Variants in FRMD5 observed in about 807,000 individuals in gnomAD.
The protein encoded by FRMD5 is FERM domain containing 5.
Under a neutral mutation model 69.0 loss-of-function variants are expected in FRMD5, and 20 were observed. The observed-to-expected ratio is 0.29, with a 90% CI of 0.20 to 0.42. The LOEUF (loss-of-function observed/expected upper bound fraction) is 0.42, where lower values mean the gene tolerates loss of function less well. FRMD5 is among the 10% of genes least tolerant of loss of function. The pLI, the probability that FRMD5 is intolerant of heterozygous loss-of-function variation, is 1.00. For missense variants in FRMD5, 595 were observed against 708.6 expected (o/e 0.84, Z 1.82); for synonymous variants, 271 against 260.1 (o/e 1.04, Z -0.40).
At chr15:44,019,737 CAAAAAAA>C (rs1189890743) in intron 1 of FRMD5, among the ~76,000 whole-genome samples, 144 of 23,512 alleles carry the variant, frequency 6.1e-3, no homozygotes, top group Non-Finnish European at 6.3e-3. Context: ...GAGTCTGTCT[CAAAAAAA>C]AAAAAAAAAA....
Position 43,989,455 on chromosome 15 carries a change from C to T in FRMD5, c.103-65146G>A, listed in dbSNP as rs535008472. On this transcript the variant is annotated intron_variant, in intron 1 of 13. Coordinates refer to ENST00000417257, the MANE Select transcript of FRMD5 (RefSeq NM_032892.5). ...TTGCCGATGATGATGACCTGGCCGT[C>T]GGGCAGCTTGTAGCTATCTCCAGGG... 5.6e-5 allele frequency: 45 copies of T among 802,584 alleles called. 1 individual carries two copies. Among genetic ancestry groups the T allele is most frequent in the South Asian group, 4.1e-4 (31 of 75,144 alleles). 49.7% of individuals were successfully genotyped at this position (802,584 alleles called of 1,614,324 possible).
At chr15:44,191,369 C>T (rs1260510335) in intron 1 of FRMD5, among the ~76,000 whole-genome samples, 2 of 151,856 alleles carry the variant, frequency 1.3e-5, no homozygotes, top group East Asian at 3.9e-4. Context: ...GGGTGGATCA[C>T]GAGGTCAAGA....
intron 1 of FRMD5, among the ~76,000 whole-genome samples, chr15:44,048,089 G>A (rs150099105): frequency 2.0e-5 from 3 of 152,100 alleles, no homozygotes; most frequent in African/African-American, 4.8e-5. Flanking sequence ...GTATTGCTGG[G>A]TCACATGGTA....
At chr15:43,947,427 C>A (rs2089964456) in intron 1 of FRMD5, among the ~76,000 whole-genome samples, 1 of 152,194 alleles carries the variant, frequency 6.6e-6, no homozygotes. Context: ...ACAGTTAAAA[C>A]TATCTTCCTA....
At chr15:44,189,559 G>A (rs966091741) in intron 1 of FRMD5, among the ~76,000 whole-genome samples, 3 of 151,548 alleles carry the variant, frequency 2.0e-5, no homozygotes, top group African/African-American at 7.3e-5. Flanking sequence ...TGCTATCTCG[G>A]CTCACTGCAA....
chr15:44,060,070 G>C (rs571942156), intron 1 of FRMD5, among the ~76,000 whole-genome samples: 3 of 152,332 alleles, frequency 2.0e-5, no homozygotes, highest in East Asian at 3.9e-4. Context: ...TAAGTGGAGA[G>C]AGCTGTCAGA....
chr15:43,905,744 G>A (rs556959945), intron 6 of FRMD5, 84 bp downstream of exon 6: 18 of 1,546,236 alleles, frequency 1.2e-5, no homozygotes, highest in Admixed American at 8.6e-5. Context: ...AACAGTCTGC[G>A]AGAACAGAGG....
chr15:43,876,185 C>G, intron 13 of FRMD5: 3 of 1,599,986 alleles, frequency 1.9e-6, no homozygotes, highest in Non-Finnish European at 2.6e-6. Context: ...CACTGTCACT[C>G]CCAGAGGCTG....
intron 1 of FRMD5, among the ~76,000 whole-genome samples, chr15:43,961,653 C>T (rs1054007199): frequency 5.3e-5 from 8 of 152,196 alleles, no homozygotes; most frequent in Admixed American, 2.6e-4. Context: ...CAAAAATCCT[C>T]AGTAAAATAC....
At chr15:43,991,115 G>A (rs1056058902) in intron 1 of FRMD5, among the ~76,000 whole-genome samples, 1 of 152,220 alleles carries the variant, frequency 6.6e-6, no homozygotes, top group Non-Finnish European at 1.5e-5. Context: ...AAGATGGACT[G>A]TATGACCTGT....
chr15:44,193,538 T>G lies in FRMD5; in HGVS notation c.102+1415A>C, dbSNP rs192111676. Among the ~76,000 whole-genome samples, 4 of 152,360 alleles carry G rather than the reference T, an allele frequency of 2.6e-5. No homozygotes were observed. The East Asian group carries it at 7.7e-4, about 29-fold the overall frequency. On this transcript the variant is annotated intron_variant, in intron 1 of 13. Transcript: ENST00000417257. Reference sequence around the variant, plus strand: ...AATACAGAGCATCTCTCTATCATATTCAACTACAAAAATCCTTTCACTTGA... The same window carrying G: ...AATACAGAGCATCTCTCTATCATATGCAACTACAAAAATCCTTTCACTTGA...
At chr15:44,017,674 C>T (rs1286996927) in intron 1 of FRMD5, among the ~76,000 whole-genome samples, 11 of 148,772 alleles carry the variant, frequency 7.4e-5, no homozygotes, top group South Asian at 2.1e-4. Flanking sequence ...GGTGCGATCT[C>T]GGCTCACTGC....
upstream of FRMD5, among the ~76,000 whole-genome samples, chr15:44,199,188 A>G (rs140427966): frequency 4.5e-3 from 680 of 152,252 alleles, 9 homozygotes; most frequent in Non-Finnish European, 3.7e-3. Context: ...CCTTCCCATC[A>G]AAGTTTCCCC....
At chr15:44,142,117 C>T (rs941898476) in intron 1 of FRMD5, among the ~76,000 whole-genome samples, 4 of 152,068 alleles carry the variant, frequency 2.6e-5, no homozygotes, top group Admixed American at 2.6e-4. Context: ...ATCCAAATAA[C>T]TGATTTAAAA....
At chr15:44,096,473 G>A (rs1044271035) in intron 1 of FRMD5, among the ~76,000 whole-genome samples, 1 of 149,988 alleles carries the variant, frequency 6.7e-6, no homozygotes, top group Non-Finnish European at 1.5e-5. Context: ...TGTGATCTTG[G>A]TTCACTGCAA....
intron 7 of FRMD5, among the ~76,000 whole-genome samples, chr15:43,899,004 G>C (rs972610143): frequency 6.6e-6 from 1 of 152,196 alleles, no homozygotes; most frequent in Non-Finnish European, 1.5e-5. Context: ...GCCTAAGCTA[G>C]AGCGTTGTTC....
chr15:43,879,359 T>C, intron 13 of FRMD5: 1 of 396,676 alleles, frequency 2.5e-6, no homozygotes, highest in Non-Finnish European at 4.4e-6. Context: ...TAGTCCTATA[T>C]TAGAAACTGT....
intron 1 of FRMD5, among the ~76,000 whole-genome samples, chr15:43,992,505 G>A (rs906058844): frequency 5.9e-5 from 9 of 152,088 alleles, no homozygotes; most frequent in African/African-American, 1.9e-4. Flanking sequence ...AGCCTCCTGA[G>A]TAGCTGGGAC....
chr15:43,937,383 C>T (rs929199907), intron 1 of FRMD5, among the ~76,000 whole-genome samples: 1 of 152,166 alleles, frequency 6.6e-6, no homozygotes, highest in Non-Finnish European at 1.5e-5. Context: ...CGTGGAGGCT[C>T]ATGCCTGTAA....
Sources: allele counts gnomAD v4.1 joint callset (sites outside exome capture counted in the v4.1 genomes callset), GRCh38; gene constraint gnomAD v4.1.1; transcripts MANE v1.5; gene names NCBI Gene and HGNC (gene_info 2026-07-23, HGNC 2026-07-21).